Variants in ROBO1 observed in about 807,000 individuals in gnomAD.
The protein encoded by ROBO1 is roundabout guidance receptor 1.
ROBO1 carries 149 observed loss-of-function variants against 195.9 expected under a neutral mutation model. The ratio of observed to expected loss-of-function variants is 0.76; its 90% confidence interval spans 0.67 to 0.87. The LOEUF (loss-of-function observed/expected upper bound fraction) is 0.87. ROBO1 is among the 40% of genes least tolerant of loss of function. The probability of loss-of-function intolerance (pLI) is 0.00; values close to 1 mark genes in which losing one functional copy is unlikely to be tolerated. For missense variants in ROBO1, 1,933 were observed against 2,068.3 expected (o/e 0.93, Z 1.27); for synonymous variants, 816 against 733.2 (o/e 1.11, Z -1.82).
intron 2 of ROBO1, among the ~76,000 whole-genome samples, chr3:79,381,654 C>T (rs561866091): frequency 6.6e-4 from 100 of 152,082 alleles, no homozygotes; most frequent in African/African-American, 2.4e-3. Context: ...TGTAATGGAA[C>T]TGCATTTAGA....
intron 3 of ROBO1, among the ~76,000 whole-genome samples, chr3:78,943,322 C>T (rs560785170): frequency 1.5e-4 from 23 of 152,232 alleles, no homozygotes; most frequent in South Asian, 4.1e-4. Context: ...GTCACCCAGG[C>T]GCCACTAAAG....
At chr3:79,704,483 T>C (rs1006768568) in intron 1 of ROBO1, among the ~76,000 whole-genome samples, 2 of 152,000 alleles carry the variant, frequency 1.3e-5, no homozygotes, top group Non-Finnish European at 2.9e-5. Context: ...GTAATATGCA[T>C]TTAAGTTTCC....
chr3:79,748,256 T>C (rs937658733), intron 1 of ROBO1, among the ~76,000 whole-genome samples: 3 of 152,206 alleles, frequency 2.0e-5, no homozygotes, highest in Admixed American at 2.0e-4. Context: ...GAAACATTAT[T>C]TGGGATATTC....
At chr3:79,766,441 A>G (rs1704995855) in intron 1 of ROBO1, among the ~76,000 whole-genome samples, 1 of 151,366 alleles carries the variant, frequency 6.6e-6, no homozygotes, top group South Asian at 2.1e-4. Flanking sequence ...CACCCCACCC[A>G]TCTGCGTGGG....
At position 78,856,820 on chromosome 3, in the gene ROBO1, T is replaced by C. The variant is rs140211904; in HGVS notation, c.499+81781A>G. Reference sequence around the variant, plus strand: ...AGTTTAATGAATAATCTGCATTTTATTAAAATACATTTGCGCATTCTAGAT... The same window carrying C: ...AGTTTAATGAATAATCTGCATTTTACTAAAATACATTTGCGCATTCTAGAT... On this transcript the variant is annotated intron_variant, in intron 4 of 30. Transcript: ENST00000464233. Among the ~76,000 whole-genome samples the C allele has an allele frequency of 4.7e-3, 714 of 150,888 alleles. 17 individuals are homozygous for C. The highest frequency in any genetic ancestry group is 0.015 in the African/African-American group (631 of 41,122).
intron 4 of ROBO1, among the ~76,000 whole-genome samples, chr3:78,850,351 T>A (rs1206993770): frequency 6.6e-6 from 1 of 152,240 alleles, no homozygotes; most frequent in Non-Finnish European, 1.5e-5. Context: ...GAAGTAATAC[T>A]AGTCTATATT....
chr3:79,284,512 C>T (rs2109011256), intron 2 of ROBO1, among the ~76,000 whole-genome samples: 1 of 152,174 alleles, frequency 6.6e-6, no homozygotes, highest in South Asian at 2.1e-4. Context: ...AAAAAAGAAA[C>T]TATTCTCTAT....
intron 3 of ROBO1, among the ~76,000 whole-genome samples, chr3:79,041,416 C>T (rs531619480): frequency 5.3e-5 from 8 of 151,890 alleles, no homozygotes; most frequent in African/African-American, 1.9e-4. Context: ...GGTATTGCCT[C>T]TACCTGAAAG....
chr3:78,746,639 A>G, intron 5 of ROBO1, 104 bp downstream of exon 5: 1 of 963,318 alleles, frequency 1.0e-6, no homozygotes, highest in Non-Finnish European at 1.4e-6. Context: ...AGCTGACGCA[A>G]GCCTTTATTG....
chr3:78,914,708 A>G (rs2038451831), intron 4 of ROBO1, among the ~76,000 whole-genome samples: 6 of 147,452 alleles, frequency 4.1e-5, no homozygotes, highest in Non-Finnish European at 6.0e-5. Context: ...TTATAGGTAT[A>G]TATTTTATTT....
chr3:79,181,347 T>C (rs922620909), intron 2 of ROBO1, among the ~76,000 whole-genome samples: 1 of 152,186 alleles, frequency 6.6e-6, no homozygotes, highest in Non-Finnish European at 1.5e-5. Flanking sequence ...GCATATAACA[T>C]GTACTAAGGT....
chr3:78,760,664 C>A (rs333489), intron 4 of ROBO1, among the ~76,000 whole-genome samples: 8,260 of 152,190 alleles, frequency 0.054, 298 homozygotes, highest in Middle Eastern at 0.11. Context: ...TGTTTTGAGT[C>A]AGGGTCTTGC....
At position 79,465,309 on chromosome 3, in the gene ROBO1, T is replaced by C. The variant is rs181920174; in HGVS notation, c.88+124515A>G. 2.1e-4 allele frequency among the ~76,000 whole-genome samples: 32 copies of C among 152,266 alleles called. No homozygotes were observed. In the East Asian group the frequency reaches 5.0e-3, roughly 24 times the overall value. The stretch of plus-strand genomic sequence containing the variant: ...AGGTGGATCTCTAAACTGTCTCAAC[T>C]CAGAACTATCGCAAAAAAGATCCCC... On this transcript the variant is annotated intron_variant, in intron 2 of 30. Transcript: ENST00000464233.
intron 9 of ROBO1, among the ~76,000 whole-genome samples, chr3:78,687,131 GGAAATTT>G (rs1368966747): frequency 4.0e-5 from 6 of 148,718 alleles, no homozygotes; most frequent in African/African-American, 1.5e-4. Context: ...AAAATTATTT[GGAAATTT>G]GATCTAATGT....
At chr3:79,162,544 C>A (rs570172260) in intron 2 of ROBO1, among the ~76,000 whole-genome samples, 24 of 151,978 alleles carry the variant, frequency 1.6e-4, no homozygotes, top group Non-Finnish European at 3.1e-4. Flanking sequence ...CAAACGTTAG[C>A]CAATCATCTA....
At chr3:78,706,173 C>G (rs532349275) in intron 8 of ROBO1, among the ~76,000 whole-genome samples, 1 of 151,914 alleles carries the variant, frequency 6.6e-6, no homozygotes, top group African/African-American at 2.4e-5. Flanking sequence ...GTCTGAAAAG[C>G]TTGCTGGAGG....
intron 4 of ROBO1, among the ~76,000 whole-genome samples, chr3:78,937,528 C>T (rs1675877974): frequency 6.6e-6 from 1 of 151,996 alleles, no homozygotes; most frequent in Non-Finnish European, 1.5e-5. Flanking sequence ...ATATTATATA[C>T]AGCAGGATCC....
intron 2 of ROBO1, among the ~76,000 whole-genome samples, chr3:79,553,174 C>T (rs547858612): frequency 3.9e-5 from 6 of 151,962 alleles, no homozygotes; most frequent in African/African-American, 1.2e-4. Flanking sequence ...CAGTGAGATT[C>T]GACACCTCCA....
intron 2 of ROBO1, among the ~76,000 whole-genome samples, chr3:79,396,378 T>C (rs1311007133): frequency 6.6e-6 from 1 of 152,092 alleles, no homozygotes; most frequent in South Asian, 2.1e-4. Flanking sequence ...AGGGTGACAT[T>C]GGGAAGTATA....
Sources: gnomAD v4.1 joint callset for allele counts (sites outside exome capture counted in the v4.1 genomes callset) on GRCh38, gnomAD v4.1.1 for gene constraint, MANE v1.5 for transcripts, NCBI Gene and HGNC (gene_info 2026-07-23, HGNC 2026-07-21) for gene names.